The following IGF2 variants were observed in gnomAD, a reference collection of about 807,000 sequenced individuals.
IGF2 encodes insulin like growth factor 2.
IGF2 carries 2 observed loss-of-function variants against 12.0 expected under a neutral mutation model. That is an observed-to-expected ratio of 0.17 (90% confidence interval 0.07 to 0.52). IGF2 has a LOEUF of 0.52. Among genes scored for constraint, IGF2 ranks in the 20% least tolerant of loss-of-function variants. The probability of loss-of-function intolerance (pLI) is 0.95; values close to 1 mark genes in which losing one functional copy is unlikely to be tolerated. For missense variants in IGF2, 211 were observed against 268.0 expected, an observed-to-expected ratio of 0.79 and a Z score of 1.48; for synonymous variants, 105 against 110.1, an observed-to-expected ratio of 0.95 and a Z score of 0.29.
At chr11:2,135,137 G>A (rs1420196638) in intron 2 of IGF2, among the ~76,000 whole-genome samples, 2 of 152,174 alleles carry the variant, frequency 1.3e-5, no homozygotes, top group African/African-American at 2.4e-5. Context: ...TGACGTCTAG[G>A]GGGCACCTCT....
At chr11:2,147,418 G>A in the IGF2 span, 5 of 406,898 alleles carry the variant, frequency 1.2e-5, no homozygotes, top group Middle Eastern at 6.1e-4. The surrounding 1 kb of genome is among the most constrained non-coding windows in gnomAD (Gnocchi z 7.2). Context: ...AGCCAACCAC[G>A]GAACTCCAGA....
Position 2,138,464 on chromosome 11 carries a change from A to G in IGF2, c.-242T>C. On this transcript the variant is annotated 5_prime_UTR_variant, in exon 1 of 4. Coordinates refer to ENST00000416167, the MANE Select transcript of IGF2 (RefSeq NM_000612.6). ...CGGGCTGGGGCGGGCCAGATGTTGT[A>G]CTTTTCGGGGGGGAAAAGGTATCGG... The G allele has an allele frequency of 1.2e-6, 1 of 861,856 alleles. No homozygotes were observed. Among genetic ancestry groups the G allele is most frequent in the Non-Finnish European group, 1.4e-6 (1 of 738,354 alleles). 53.4% of individuals were successfully genotyped at this position (861,856 alleles called of 1,614,324 possible).
chr11:2,130,530 G>GA lies in IGF2; in HGVS notation c.*2456_*2457insT, dbSNP rs1313437401. 1 of 214,276 alleles carries GA rather than the reference G, an allele frequency of 4.7e-6. No homozygotes were observed. Among genetic ancestry groups the GA allele is most frequent in the African/African-American group, 2.5e-5 (1 of 39,682 alleles). 13.3% of individuals were successfully genotyped at this position (214,276 alleles called of 1,614,324 possible). A position where few individuals can be genotyped will look rare whatever the true frequency, so the allele number is the denominator to read the frequency against. On this transcript the variant is annotated 3_prime_UTR_variant, in exon 4 of 4. Transcript: ENST00000416167. Reference sequence around the variant, plus strand: ...TTTGTCACTGCCCCCCTGTTACATGGGGGGGGGGTTTAATTTGGTTTCTGA... The same window carrying GA: ...TTTGTCACTGCCCCCCTGTTACATGGAGGGGGGGGTTTAATTTGGTTTCTGA...
At position 2,138,369 on chromosome 11, in the gene IGF2, CGG is replaced by C. The variant is rs1319392061; in HGVS notation, c.-149_-148del. 1 of 683,416 alleles carries C rather than the reference CGG, an allele frequency of 1.5e-6. No homozygotes were observed. The highest frequency in any genetic ancestry group is 1.7e-6 in the Non-Finnish European group (1 of 602,790). The allele number at this position is 683,416 out of a possible 1,614,324, so 42.3% of individuals were successfully genotyped here. ...GGGCCGAATGTGCGACGGGGCAGAG[CGG>C]GGGGATGGCTTTTTTTTGGGGGGGG... On this transcript the variant is annotated 5_prime_UTR_variant, in exon 1 of 4. Coordinates refer to ENST00000416167, the MANE Select transcript of IGF2 (RefSeq NM_000612.6).
Position 2,138,398 on chromosome 11 carries a change from G to GC in IGF2, c.-177_-176insG, listed in dbSNP as rs1202269415. 1.3e-5 allele frequency: 6 copies of GC among 451,970 alleles called. No individual in the cohort carries two copies. The highest frequency in any genetic ancestry group is 1.4e-5 in the Non-Finnish European group (5 of 346,740). 28.0% of individuals were successfully genotyped at this position (451,970 alleles called of 1,614,324 possible). A position where few individuals can be genotyped will look rare whatever the true frequency, so the allele number is the denominator to read the frequency against. Reference sequence around the variant, plus strand: ...GGGATGGCTTTTTTTTGGGGGGGGGGGGAGAATTCGTCTGATTGTCCAGGG... The same window carrying GC: ...GGGATGGCTTTTTTTTGGGGGGGGGGCGGAGAATTCGTCTGATTGTCCAGGG... On this transcript the variant is annotated 5_prime_UTR_variant, in exon 1 of 4. Transcript: ENST00000416167.
At chr11:2,149,183 G>T in the IGF2 span, 2 of 1,613,414 alleles carry the variant, frequency 1.2e-6, no homozygotes, top group Non-Finnish European at 1.7e-6. Context: ...AAAGAGGACC[G>T]GGGAGTCACT....
At chr11:2,136,767 G>A (rs1189453051) in intron 1 of IGF2, among the ~76,000 whole-genome samples, 1 of 152,156 alleles carries the variant, frequency 6.6e-6, no homozygotes, top group Non-Finnish European at 1.5e-5. Context: ...TCCTCTCACC[G>A]CCCCCTCTGC....
chr11:2,146,873 C>T, the IGF2 span: 1 of 162,792 alleles, frequency 6.1e-6, no homozygotes, highest in Non-Finnish European at 1.3e-5. Context: ...CTACAGAGCT[C>T]CCTCTGGCTG....
In IGF2 at chr11:2,129,906, C is replaced by T. The variant is rs971543926; in HGVS notation, c.*3081G>A. 5.2e-5 allele frequency: 12 copies of T among 231,872 alleles called. No individual in the cohort carries two copies. Among genetic ancestry groups the T allele is most frequent in the African/African-American group, 1.3e-4 (6 of 45,336 alleles). The allele number at this position is 231,872 out of a possible 1,614,324, so 14.4% of individuals were successfully genotyped here. On this transcript the variant is annotated 3_prime_UTR_variant, in exon 4 of 4. Transcript: ENST00000416167. This position sits in a 1 kb window ranked among gnomAD's most constrained non-coding sequence, Gnocchi z 8.1. ...ATGGCATCACCAGACCCGTGGGCTC[C>T]GGGGCCCAAGCAACCTGGTCGATGG...
upstream of IGF2, among the ~76,000 whole-genome samples, chr11:2,141,635 G>T (rs1479922591): frequency 5.3e-5 from 8 of 152,154 alleles, no homozygotes; most frequent in African/African-American, 9.7e-5. Flanking sequence ...GTGTGTTAGG[G>T]GGAAGCTGAG....
At chr11:2,146,415 C>CGCT in the IGF2 span, 1 of 534,042 alleles carries the variant, frequency 1.9e-6, no homozygotes, top group Middle Eastern at 3.3e-4. Context: ...AGGACACACT[C>CGCT]GCTGGCGTCA....
rs992974582 is a variant in IGF2, at chr11:2,132,837, G to A, written c.*150C>T. ...GGGGCCGAGGAGAGTAGCCTGTTTC[G>A]GGGAGGCGGGGCACGGGGACTGGGT... On this transcript the variant is annotated 3_prime_UTR_variant, in exon 4 of 4. Coordinates refer to ENST00000416167, the MANE Select transcript of IGF2 (RefSeq NM_000612.6). 10 of 604,304 alleles carry A rather than the reference G, an allele frequency of 1.7e-5. No individual in the cohort carries two copies. The highest frequency in any genetic ancestry group is 1.1e-4 in the Admixed American group (4 of 35,646). 37.4% of individuals were successfully genotyped at this position (604,304 alleles called of 1,614,324 possible).
At position 2,131,822 on chromosome 11, in the gene IGF2, G is replaced by A. The variant is rs201271948; in HGVS notation, c.*1165C>T. On this transcript the variant is annotated 3_prime_UTR_variant, in exon 4 of 4. Coordinates refer to ENST00000416167, the MANE Select transcript of IGF2 (RefSeq NM_000612.6). Reference sequence around the variant, plus strand: ...GTGTGCTGTGTGTGCATGTGTGTGCGTGTGCTGTGCGTTTGTGTGCTGTGT... The same window carrying A: ...GTGTGCTGTGTGTGCATGTGTGTGCATGTGCTGTGCGTTTGTGTGCTGTGT... 3.5e-3 allele frequency: 671 copies of A among 193,666 alleles called. 26 individuals are homozygous for A. The East Asian group carries it at 0.045, about 13-fold the overall frequency. The allele number at this position is 193,666 out of a possible 1,614,324, so 12.0% of individuals were successfully genotyped here. A position where few individuals can be genotyped will look rare whatever the true frequency, so the allele number is the denominator to read the frequency against.
chr11:2,138,695 CGGGCGTGAGGGG>C lies in IGF2; in HGVS notation c.-485_-474del. 2 of 564,968 alleles carry C rather than the reference CGGGCGTGAGGGG, an allele frequency of 3.5e-6. No homozygotes were observed. The highest frequency in any genetic ancestry group is 4.1e-6 in the Non-Finnish European group (2 of 486,872). 35.0% of individuals were successfully genotyped at this position (564,968 alleles called of 1,614,324 possible). ...CTTTGGTTCGGCGAAGGCGAGAGGG[CGGGCGTGAGGGG>C]GGGAGGGAGTCGGAGGCTAGGAGCT... On this transcript the variant is annotated 5_prime_UTR_variant, in exon 1 of 4. Coordinates refer to ENST00000416167, the MANE Select transcript of IGF2 (RefSeq NM_000612.6).
chr11:2,141,700 C>T (rs190421362), upstream of IGF2, among the ~76,000 whole-genome samples: 16 of 151,958 alleles, frequency 1.1e-4, no homozygotes, highest in East Asian at 1.5e-3. Context: ...TGGCAGCAGC[C>T]GGGGAAAAAA....
rs954666960 is a variant in IGF2 at position 2,130,378 on chromosome 11, C to A, written c.*2609G>T. 108 of 229,032 alleles carry A rather than the reference C, an allele frequency of 4.7e-4. No individual in the cohort carries two copies. The highest frequency in any genetic ancestry group is 8.2e-4 in the Non-Finnish European group (95 of 115,466). The allele number at this position is 229,032 out of a possible 1,614,324, so 14.2% of individuals were successfully genotyped here. ...CAAGGGGGCTCAGTGGCCAGTGCCC[C>A]CCAGGAGGCTCCACCCTCAACTCAA... On this transcript the variant is annotated 3_prime_UTR_variant, in exon 4 of 4. Coordinates refer to ENST00000416167, the MANE Select transcript of IGF2 (RefSeq NM_000612.6).
chr11:2,140,495 C>T, upstream of IGF2: 3 of 581,938 alleles, frequency 5.2e-6, no homozygotes, highest in Non-Finnish European at 9.0e-6. Context: ...GCGCTCCGCG[C>T]GCGCCTCCCG....
In IGF2 at chr11:2,133,123, G is replaced by A; in HGVS notation, c.407C>T (p.Ala136Val). Residue 136 changes from alanine to valine, a missense_variant, in exon 4 of 4, where the codon GCC becomes GTC. Ala to Val is a moderately conservative substitution (Grantham distance 64). Around this residue, in one of 3 missense-constraint regions of IGF2, gnomAD observed 141 missense variants for 153.1 expected, o/e 0.92. Coordinates refer to ENST00000416167, the MANE Select transcript of IGF2 (RefSeq NM_000612.6). The surrounding 1 kb of genome is among the most constrained non-coding windows in gnomAD (Gnocchi z 8.9). ...CTTGGCGAGCACGTGACCCCGGCGG[G>A]CACGCAGGAGGGCAGGCAGGCCCCT... The part of the protein sequence containing the change: ...LRRGLPALLR[A>V]RRGHVLAKEL... The A allele has an allele frequency of 1.2e-6, 2 of 1,606,190 alleles. No individual in the cohort carries two copies. Among genetic ancestry groups the A allele is most frequent in the Non-Finnish European group, 1.7e-6 (2 of 1,176,066 alleles).
At chr11:2,138,012 C>T (rs1174608765) in intron 1 of IGF2, among the ~76,000 whole-genome samples, 8 of 152,178 alleles carry the variant, frequency 5.3e-5, no homozygotes, top group African/African-American at 1.4e-4. Context: ...ACCCCACCCC[C>T]AGCTCCGCCG....
Sources: gnomAD v4.1 joint callset for allele counts (sites outside exome capture counted in the v4.1 genomes callset) on GRCh38, gnomAD v4.1.1 for gene constraint, gnomAD v4.1.1 regional missense constraint, Gnocchi (gnomAD v3.1) non-coding constraint, MANE v1.5 for transcripts, NCBI Gene and HGNC (gene_info 2026-07-23, HGNC 2026-07-21) for gene names.